Variants in PDE8A observed in about 807,000 individuals in gnomAD.
The protein encoded by PDE8A is phosphodiesterase 8A.
In PDE8A, 59 loss-of-function variants were observed where a neutral mutation model predicts 105.0. That is an observed-to-expected ratio of 0.56 (90% CI 0.46 to 0.70). The LOEUF (loss-of-function observed/expected upper bound fraction) is 0.70, where lower values mean the gene tolerates loss of function less well. Among genes scored for constraint, PDE8A ranks in the 30% least tolerant of loss-of-function variants. The probability of loss-of-function intolerance (pLI) is 0.00; values close to 1 mark genes in which losing one functional copy is unlikely to be tolerated. For missense variants in PDE8A, 1,014 were observed against 1,045.9 expected (o/e 0.97, Z 0.42); for synonymous variants, 355 against 371.9 (o/e 0.95, Z 0.52).
intron 11 of PDE8A, among the ~76,000 whole-genome samples, chr15:85,102,969 C>T (rs554202660): frequency 6.6e-6 from 1 of 152,156 alleles, no homozygotes; most frequent in Non-Finnish European, 1.5e-5. Flanking sequence ...ACCTCTAATC[C>T]TAGCACTTTG....
chr15:85,060,758 G>T (rs1459200395), intron 1 of PDE8A, among the ~76,000 whole-genome samples: 1 of 151,998 alleles, frequency 6.6e-6, no homozygotes, highest in Non-Finnish European at 1.5e-5. Flanking sequence ...TTAGACCAAT[G>T]ATTTTTTTTT....
At chr15:85,113,756 G>C in intron 13 of PDE8A, 117 bp from the exon 14 acceptor site, 1 of 772,430 alleles carries the variant, frequency 1.3e-6, no homozygotes, top group South Asian at 1.8e-5. Flanking sequence ...CTGGGCTCAA[G>C]TAATTCTCCC....
chr15:84,982,140 G>T lies in PDE8A; in HGVS notation c.-23G>T, dbSNP rs2079721297. On this transcript the variant is annotated 5_prime_UTR_variant, in exon 1 of 22. Transcript: ENST00000394553. ...GACCGGATCGCGGCTACCCGCCAGC[G>T]TGTCCGCGGCGCCGCCGCCAGCATG... 7 of 1,302,832 alleles carry T rather than the reference G, an allele frequency of 5.4e-6. No homozygotes were observed. The highest frequency in any genetic ancestry group is 6.8e-6 in the Non-Finnish European group (7 of 1,029,298). The allele number at this position is 1,302,832 out of a possible 1,614,324, so 80.7% of individuals were successfully genotyped here. A position where few individuals can be genotyped will look rare whatever the true frequency, so the allele number is the denominator to read the frequency against.
intron 1 of PDE8A, among the ~76,000 whole-genome samples, chr15:85,007,178 G>C (rs2080161585): frequency 6.6e-6 from 1 of 152,138 alleles, no homozygotes; most frequent in Non-Finnish European, 1.5e-5. Context: ...AAAAGCATTA[G>C]AGGGGGACTA....
intron 11 of PDE8A, among the ~76,000 whole-genome samples, chr15:85,103,591 T>G (rs1333115110): frequency 6.6e-6 from 1 of 151,680 alleles, no homozygotes; most frequent in Non-Finnish European, 1.5e-5. Flanking sequence ...AGAAAAGGAG[T>G]TTTTTCTGGA....
intron 6 of PDE8A, among the ~76,000 whole-genome samples, chr15:85,085,629 C>A (rs1339333129): frequency 1.3e-5 from 2 of 150,610 alleles, no homozygotes; most frequent in Non-Finnish European, 2.9e-5. Flanking sequence ...GAGCTGAGAT[C>A]GTGCCATTGC....
intron 14 of PDE8A, among the ~76,000 whole-genome samples, chr15:85,114,297 A>C (rs2082062942): frequency 6.6e-6 from 1 of 152,198 alleles, no homozygotes; most frequent in Admixed American, 6.5e-5. Context: ...CCAGTTCTCC[A>C]GTGTTGCTTA....
chr15:85,041,901 T>C (rs1242784281), intron 1 of PDE8A, among the ~76,000 whole-genome samples: 1 of 152,182 alleles, frequency 6.6e-6, no homozygotes, highest in Non-Finnish European at 1.5e-5. Context: ...ATGTTGTTAG[T>C]TCCTTTACTA....
intron 1 of PDE8A, among the ~76,000 whole-genome samples, chr15:84,983,169 G>C (rs535251216): frequency 2.8e-4 from 43 of 152,278 alleles, no homozygotes; most frequent in Middle Eastern, 6.8e-3. Flanking sequence ...AAAGAAAAAC[G>C]TGATCATTAA....
chr15:85,058,563 C>G (rs1434520470), intron 1 of PDE8A, among the ~76,000 whole-genome samples: 3 of 152,174 alleles, frequency 2.0e-5, no homozygotes, highest in Non-Finnish European at 4.4e-5. Flanking sequence ...TTTTTGATTA[C>G]TGATTCAGTC....
intron 1 of PDE8A, among the ~76,000 whole-genome samples, chr15:85,013,195 A>T (rs946038551): frequency 1.3e-5 from 2 of 152,230 alleles, no homozygotes; most frequent in Admixed American, 1.3e-4. Flanking sequence ...CAAAATTCAC[A>T]GATTTGGACC....
intron 8 of PDE8A, 151 bp from the exon 9 acceptor site, chr15:85,097,797 A>G: frequency 1.7e-6 from 1 of 603,434 alleles, no homozygotes; most frequent in Non-Finnish European, 3.0e-6. Context: ...TTAAGAAAGA[A>G]TTGTCCTATT....
At chr15:85,044,005 C>G (rs1177366034) in intron 1 of PDE8A, among the ~76,000 whole-genome samples, 1 of 152,094 alleles carries the variant, frequency 6.6e-6, no homozygotes, top group Admixed American at 6.5e-5. Flanking sequence ...CCAGTGTGTT[C>G]TGAAAGAAAT....
intron 3 of PDE8A, among the ~76,000 whole-genome samples, chr15:85,068,429 C>G (rs1298680000): frequency 1.3e-5 from 2 of 152,100 alleles, no homozygotes; most frequent in Non-Finnish European, 2.9e-5. Flanking sequence ...GGAGAGAGCT[C>G]CGGCCAGGAA....
chr15:85,089,724 TG>T (rs1408895757), intron 7 of PDE8A, among the ~76,000 whole-genome samples: 1 of 152,170 alleles, frequency 6.6e-6, no homozygotes, highest in African/African-American at 2.4e-5. Context: ...GCTGGGGGCT[TG>T]GGGGTAGTGC....
At position 85,006,095 on chromosome 15, in the gene PDE8A, G is replaced by A. The variant is rs993069852; in HGVS notation, c.186+23747G>A. On this transcript the variant is annotated intron_variant, in intron 1 of 21. Coordinates refer to ENST00000394553, the MANE Select transcript of PDE8A (RefSeq NM_002605.3). ...AAAGAAATTATTCTCTCAGGAAGGG[G>A]AACATCACACTCTGGGGACTGTTGT... is the stretch of plus-strand genomic sequence containing the variant. Among the ~76,000 whole-genome samples, 4 of 152,020 alleles carry A rather than the reference G, an allele frequency of 2.6e-5. No individual in the cohort carries two copies. In the South Asian group the frequency reaches 8.3e-4, roughly 32 times the overall value.
chr15:85,056,722 C>G (rs1236517721), intron 1 of PDE8A, among the ~76,000 whole-genome samples: 4 of 152,082 alleles, frequency 2.6e-5, no homozygotes, highest in Non-Finnish European at 5.9e-5. Context: ...AATATTTTTT[C>G]AAGGTTTTTA....
intron 14 of PDE8A, among the ~76,000 whole-genome samples, chr15:85,114,989 T>C (rs962871280): frequency 2.0e-5 from 3 of 152,056 alleles, no homozygotes; most frequent in Admixed American, 2.0e-4. Context: ...AGGTCACTTA[T>C]GAGGTGAGAG....
At chr15:85,051,408 A>T (rs980937910) in intron 1 of PDE8A, among the ~76,000 whole-genome samples, 10 of 152,132 alleles carry the variant, frequency 6.6e-5, no homozygotes, top group African/African-American at 2.4e-4. Context: ...ACCATTCATT[A>T]TGATGTTTGC....
Sources: gnomAD v4.1 joint callset for allele counts (sites outside exome capture counted in the v4.1 genomes callset) on GRCh38, gnomAD v4.1.1 for gene constraint, MANE v1.5 for transcripts, NCBI Gene and HGNC (gene_info 2026-07-23, HGNC 2026-07-21) for gene names.